SCUBE2: variants seen among roughly 807,000 people sequenced by gnomAD.
SCUBE2 encodes the protein signal peptide, CUB domain and EGF like domain containing 2, also known as signal peptide, CUB and EGF-like domain-containing protein 2.
In SCUBE2, 114 loss-of-function variants were observed where a neutral mutation model predicts 125.9. The ratio of observed to expected loss-of-function variants is 0.91; its 90% CI spans 0.78 to 1.06. SCUBE2 has a LOEUF of 1.06. Among genes scored for constraint, SCUBE2 ranks in the 50% least tolerant of loss-of-function variants. The pLI, the probability that SCUBE2 is intolerant of heterozygous loss-of-function variation, is 0.00. For missense variants in SCUBE2, 1,255 were observed against 1,301.8 expected (o/e 0.96, Z 0.55); for synonymous variants, 459 against 492.9 (o/e 0.93, Z 0.91).
chr11:9,042,128 T>G (rs1857311235), intron 16 of SCUBE2, among the ~76,000 whole-genome samples: 1 of 152,146 alleles, frequency 6.6e-6, no homozygotes, highest in African/African-American at 2.4e-5. Flanking sequence ...GAAATCTTGT[T>G]GCCCAAGGAG....
chr11:9,065,818 A>C, intron 7 of SCUBE2, 73 bp downstream of exon 7: 1 of 1,310,520 alleles, frequency 7.6e-7, no homozygotes. Flanking sequence ...TCCCAAGTTC[A>C]GGTCTGATGC....
At chr11:9,051,722 C>T (rs1172901447) in intron 13 of SCUBE2, among the ~76,000 whole-genome samples, 1 of 152,164 alleles carries the variant, frequency 6.6e-6, no homozygotes. Flanking sequence ...TATTACCAGG[C>T]TGTTGTAAGG....
intron 20 of SCUBE2, chr11:9,026,169 A>G (rs75871486): frequency 0.021 from 4,521 of 211,540 alleles, 67 homozygotes; most frequent in Non-Finnish European, 0.033. Context: ...TCTAATTGTC[A>G]TCACCACCAT....
intron 5 of SCUBE2, among the ~76,000 whole-genome samples, chr11:9,067,668 T>A (rs964919121): frequency 1.1e-4 from 17 of 152,210 alleles, no homozygotes; most frequent in South Asian, 2.1e-4. Flanking sequence ...GTCTTAGTTT[T>A]TTTCTTTGTT....
At chr11:9,032,482 C>T (rs555459156) in intron 17 of SCUBE2, among the ~76,000 whole-genome samples, 26 of 152,226 alleles carry the variant, frequency 1.7e-4, no homozygotes, top group African/African-American at 6.3e-4. Flanking sequence ...GCCTGTAATA[C>T]CAACACTTTG....
rs978835869 is a variant in SCUBE2, at chr11:9,025,694, G to A, written c.2854+8C>T. The A allele has an allele frequency of 2.5e-6, 4 of 1,613,842 alleles. No individual in the cohort carries two copies. In the African/African-American group the frequency reaches 4.0e-5, roughly 16 times the overall value. ...ACGCTCTTTCCATGTGCTGCAGGCT[G>A]TGCTTACCATCATATGTCACGTATG... On this transcript the variant is annotated splice_region_variant and intron_variant, in intron 21 of 22. Coordinates refer to ENST00000649792, the MANE Select transcript of SCUBE2 (RefSeq NM_001367977.2).
intron 8 of SCUBE2, 110 bp from the exon 9 acceptor site, chr11:9,059,535 A>C: frequency 7.5e-7 from 1 of 1,330,858 alleles, no homozygotes; most frequent in South Asian, 1.6e-5. Context: ...TAAGAAAAAG[A>C]CTCACAAAAG....
At chr11:9,061,452 G>A (rs890216676) in intron 7 of SCUBE2, among the ~76,000 whole-genome samples, 3 of 151,954 alleles carry the variant, frequency 2.0e-5, no homozygotes, top group African/African-American at 4.8e-5. Flanking sequence ...CCAGCTACTC[G>A]GGAGGCTGAA....
chr11:9,033,819 G>C (rs1463253889), intron 16 of SCUBE2, 23 bp from the exon 17 acceptor site: 2 of 1,612,898 alleles, frequency 1.2e-6, no homozygotes, highest in Non-Finnish European at 1.7e-6. Context: ...GAAACAACCT[G>C]GTCAGTGTGG....
intron 8 of SCUBE2, chr11:9,059,642 G>A (rs1054699601): frequency 5.3e-6 from 3 of 571,182 alleles, no homozygotes; most frequent in East Asian, 3.0e-5. Context: ...TCTTGAGAAC[G>A]CTGACTTATG....
At chr11:9,081,982 C>T (rs1194014818) in intron 2 of SCUBE2, among the ~76,000 whole-genome samples, 4 of 152,182 alleles carry the variant, frequency 2.6e-5, no homozygotes, top group Non-Finnish European at 5.9e-5. Context: ...TTTCCACATC[C>T]TCACAGACAT....
At chr11:9,027,140 G>C (rs1039671574) in intron 20 of SCUBE2, 1 of 562,320 alleles carries the variant, frequency 1.8e-6, no homozygotes, top group African/African-American at 1.9e-5. Flanking sequence ...AGCACAGAGG[G>C]GAAGACTGAC....
chr11:9,051,261 C>CCTAT (rs1566200940), intron 13 of SCUBE2, among the ~76,000 whole-genome samples: 1 of 137,768 alleles, frequency 7.3e-6, no homozygotes, highest in Non-Finnish European at 1.6e-5. Context: ...TATCTATCTA[C>CCTAT]CTATCTATCT....
chr11:9,049,795 C>T (rs1858164162), intron 14 of SCUBE2: 1 of 152,134 alleles, frequency 6.6e-6, no homozygotes, highest in Admixed American at 6.6e-5. Context: ...AGCATTATAA[C>T]AAGACCATTT....
At chr11:9,031,062 G>T in intron 17 of SCUBE2, 137 bp from the exon 18 acceptor site, 1 of 727,934 alleles carries the variant, frequency 1.4e-6, no homozygotes, top group Non-Finnish European at 2.2e-6. Flanking sequence ...AGAGCACACA[G>T]TCAATGCTGT....
At chr11:9,063,481 G>C (rs534373628) in intron 7 of SCUBE2, among the ~76,000 whole-genome samples, 2 of 152,252 alleles carry the variant, frequency 1.3e-5, no homozygotes, top group East Asian at 3.9e-4. Flanking sequence ...AATGATTTTA[G>C]ACTTCTCAAA....
In SCUBE2 at chr11:9,069,490, G is replaced by A; in HGVS notation, c.523C>T (p.Leu175=). 6.2e-7 allele frequency: 1 copy of A among 1,614,166 alleles called. No homozygotes were observed. ...HTCIHRSEEG[L]SCMNKDHGCS... is the part of the protein sequence containing the mutation. Reference sequence around the variant, plus strand: ...CCGTGATCCTTATTCATGCAGCTCAGGCCCTCTGAAAAACAGCAGTGTGCG... The same window carrying A: ...CCGTGATCCTTATTCATGCAGCTCAAGCCCTCTGAAAAACAGCAGTGTGCG... Residue 175 remains leucine (L), a synonymous_variant, in exon 5 of 23, where the codon CTG becomes TTG. Transcript: ENST00000649792.
At chr11:9,026,871 G>C in intron 20 of SCUBE2, 1 of 161,682 alleles carries the variant, frequency 6.2e-6, no homozygotes, top group Admixed American at 5.8e-5. Flanking sequence ...GTAAGAGGTG[G>C]AACTGGGACA....
chr11:9,068,989 A>G (rs905654460), intron 5 of SCUBE2, among the ~76,000 whole-genome samples: 1 of 152,222 alleles, frequency 6.6e-6, no homozygotes, highest in Non-Finnish European at 1.5e-5. Flanking sequence ...TCCAAAGGCA[A>G]GGGGAGTAGT....
Sources: allele counts gnomAD v4.1 joint callset (sites outside exome capture counted in the v4.1 genomes callset), GRCh38; gene constraint gnomAD v4.1.1; transcripts MANE v1.5; gene names NCBI Gene and HGNC (gene_info 2026-07-23, HGNC 2026-07-21).